ZMYND8: variants seen among roughly 807,000 people sequenced by gnomAD.
ZMYND8 encodes the protein MYND-type zinc finger-containing chromatin reader ZMYND8.
ZMYND8 carries 37 observed loss-of-function variants against 140.8 expected under a neutral mutation model. The ratio of observed to expected loss-of-function variants is 0.26; its 90% confidence interval spans 0.20 to 0.35. The LOEUF (loss-of-function observed/expected upper bound fraction) is 0.35, where lower values mean the gene tolerates loss of function less well. ZMYND8 is among the 10% of genes least tolerant of loss of function. The pLI, the probability that ZMYND8 is intolerant of heterozygous loss-of-function variation, is 1.00. For synonymous variants in ZMYND8, 592 were observed against 597.1 expected, an observed-to-expected ratio of 0.99 and a Z score of 0.12; for missense variants, 1,068 against 1,570.0, an observed-to-expected ratio of 0.68 and a Z score of 5.40.
intron 2 of ZMYND8, among the ~76,000 whole-genome samples, chr20:47,333,590 G>A (rs956665536): frequency 2.6e-5 from 4 of 151,932 alleles, no homozygotes; most frequent in African/African-American, 9.7e-5. Flanking sequence ...GCTGGGCGTG[G>A]TGGCACATGC....
intron 2 of ZMYND8, among the ~76,000 whole-genome samples, chr20:47,311,099 C>T (rs1393567179): frequency 6.6e-6 from 1 of 152,182 alleles, no homozygotes; most frequent in Non-Finnish European, 1.5e-5. Flanking sequence ...TGGAAAACAA[C>T]ATCATTTATT....
chr20:47,239,127 T>C lies in ZMYND8; in HGVS notation c.2296A>G (p.Thr766Ala). 6.7e-7 allele frequency: 1 copy of C among 1,497,384 alleles called. No homozygotes were observed. Among genetic ancestry groups the C allele is most frequent in the East Asian group, 2.3e-5 (1 of 43,806 alleles). 92.8% of individuals were successfully genotyped at this position (1,497,384 alleles called of 1,614,324 possible). A position where few individuals can be genotyped will look rare whatever the true frequency, so the allele number is the denominator to read the frequency against. ...CTGCCCACCGTCGTGGATGGTGGAG[T>C]TTTACCTACAACTAGCCAATGCATG... ...PSPKQDVVGK[T>A]PPSTTVGSHS... The change falls in exon 15 of 23, where the codon ACT becomes GCT. Residue 766 changes from threonine (T) to alanine (A), a missense_variant. Physicochemically the swap from Thr to Ala is moderately conservative, Grantham distance 58. Transcript: ENST00000471951.
chr20:47,237,653 C>T (rs1361624444), intron 15 of ZMYND8: 3 of 152,250 alleles, frequency 2.0e-5, no homozygotes, highest in Admixed American at 1.3e-4. Flanking sequence ...ACTCCCTCGC[C>T]ATCTGTGAAG....
At chr20:47,304,512 G>A (rs1161876211) in intron 3 of ZMYND8, among the ~76,000 whole-genome samples, 1 of 152,242 alleles carries the variant, frequency 6.6e-6, no homozygotes, top group African/African-American at 2.4e-5. Context: ...TGTAGTTGCA[G>A]ACACCTGGTC....
intron 2 of ZMYND8, among the ~76,000 whole-genome samples, chr20:47,317,174 C>T (rs2079471165): frequency 6.6e-6 from 1 of 152,182 alleles, no homozygotes; most frequent in Non-Finnish European, 1.5e-5. Context: ...AGAGAAGGTC[C>T]AACAAACAGT....
rs577974379 is a variant in ZMYND8, at chr20:47,327,928, C to T, written c.86-17724G>A. 5.3e-5 allele frequency among the ~76,000 whole-genome samples: 8 copies of T among 152,294 alleles called. No homozygotes were observed. The South Asian group carries it at 1.7e-3, about 32-fold the overall frequency. On this transcript the variant is annotated intron_variant, in intron 2 of 22. Coordinates refer to ENST00000471951, the MANE Select transcript of ZMYND8 (RefSeq NM_001281775.3). Reference sequence around the variant, plus strand: ...CTCCTGGGCTCAAGTGATCCTCCGGCCTCAGCCTCCCACGTAGCTGAGGCT... The same window carrying T: ...CTCCTGGGCTCAAGTGATCCTCCGGTCTCAGCCTCCCACGTAGCTGAGGCT...
intron 5 of ZMYND8, among the ~76,000 whole-genome samples, chr20:47,293,085 TAGGGAGGGAGGG>T (rs200487886): frequency 1.2e-5 from 1 of 81,772 alleles, no homozygotes; most frequent in Non-Finnish European, 2.5e-5. Context: ...GGGAGGGAGG[TAGGGAGGGAGGG>T]AGGGACGAGG....
chr20:47,311,176 G>A (rs773844571), intron 2 of ZMYND8, among the ~76,000 whole-genome samples: 16 of 152,090 alleles, frequency 1.1e-4, no homozygotes, highest in Admixed American at 9.8e-4. Flanking sequence ...GGAAGTTCCC[G>A]TGCTCCCACC....
chr20:47,267,503 G>A (rs930305636), intron 11 of ZMYND8, among the ~76,000 whole-genome samples: 2 of 141,064 alleles, frequency 1.4e-5, no homozygotes, highest in Admixed American at 7.5e-5. Flanking sequence ...GGGCGGGGGG[G>A]GGGCAATTAA....
chr20:47,336,701 T>G (rs138382692), intron 2 of ZMYND8, among the ~76,000 whole-genome samples: 1 of 152,228 alleles, frequency 6.6e-6, no homozygotes, highest in East Asian at 1.9e-4. Context: ...GACCCGGAAA[T>G]GCGTTTTGTT....
At position 47,238,525 on chromosome 20, in the gene ZMYND8, A is replaced by G. The variant is rs778746052; in HGVS notation, c.2665+233T>C. The G allele has an allele frequency of 8.7e-6, 6 of 692,502 alleles. No homozygotes were observed. The South Asian group carries it at 1.1e-4, about 12-fold the overall frequency. The allele number at this position is 692,502 out of a possible 1,614,324, so 42.9% of individuals were successfully genotyped here. ...TTTCTGCCCCCTTTTTAAGGAGAATATATGCATGTATCATTTATAAAATGA... is the reference window on the plus strand; with the variant it reads ...TTTCTGCCCCCTTTTTAAGGAGAATGTATGCATGTATCATTTATAAAATGA... On this transcript the variant is annotated intron_variant, in intron 15 of 22. Transcript: ENST00000471951.
rs3746485 is a variant in ZMYND8 at position 47,276,907 on chromosome 20, T to A, written c.999-112A>T. ...AGCATGTTTGCCAAGATTCTTATTCTATTAAAAAAAAAAAAAAAAAAACTT... is the reference window on the plus strand; with the variant it reads ...AGCATGTTTGCCAAGATTCTTATTCAATTAAAAAAAAAAAAAAAAAAACTT... On this transcript the variant is annotated intron_variant, in intron 10 of 22. Transcript: ENST00000471951. 6.6e-5 allele frequency: 48 copies of A among 732,446 alleles called. No homozygotes were observed. The highest frequency in any genetic ancestry group is 7.7e-5 in the East Asian group (2 of 26,078). The allele number at this position is 732,446 out of a possible 1,614,324, so 45.4% of individuals were successfully genotyped here. A position where few individuals can be genotyped will look rare whatever the true frequency, so the allele number is the denominator to read the frequency against.
chr20:47,245,886 T>C, intron 14 of ZMYND8, 122 bp downstream of exon 14: 1 of 1,393,362 alleles, frequency 7.2e-7, no homozygotes. Flanking sequence ...TCTCTCAGTG[T>C]GTTAGAGGGT....
chr20:47,325,775 CT>C lies in ZMYND8; in HGVS notation c.86-15572del, dbSNP rs367823434. On this transcript the variant is annotated intron_variant, in intron 2 of 22. Coordinates refer to ENST00000471951, the MANE Select transcript of ZMYND8 (RefSeq NM_001281775.3). ...CAATTTACTCATTCTCTCAATTATT[CT>C]TTTTCCATTTTGTTTTGTTTTTTTT... Among the ~76,000 whole-genome samples the C allele has an allele frequency of 2.2e-4, 33 of 151,882 alleles. No homozygotes were observed. In the South Asian group the frequency reaches 5.2e-3, roughly 24 times the overall value.
At chr20:47,257,381 T>G (rs2074818023) in intron 12 of ZMYND8, among the ~76,000 whole-genome samples, 1 of 151,526 alleles carries the variant, frequency 6.6e-6, no homozygotes, top group African/African-American at 2.4e-5. Flanking sequence ...TACCATATAC[T>G]CACATACCAT....
intron 4 of ZMYND8, 109 bp from the exon 5 acceptor site, chr20:47,294,888 C>G: frequency 1.1e-6 from 1 of 942,338 alleles, no homozygotes; most frequent in Non-Finnish European, 1.7e-6. Context: ...CAATTCTCAT[C>G]CCAATGAGAC....
chr20:47,331,869 T>C (rs559112046), intron 2 of ZMYND8, among the ~76,000 whole-genome samples: 13 of 152,176 alleles, frequency 8.5e-5, no homozygotes, highest in East Asian at 7.7e-4. Context: ...GGAAGCCACA[T>C]TGGAGCTTGC....
In ZMYND8 at chr20:47,282,223, A is replaced by G. The variant is rs1175773865; in HGVS notation, c.883-6T>C. On this transcript the variant is annotated splice_polypyrimidine_tract_variant and splice_region_variant and intron_variant, in intron 9 of 22. Coordinates refer to ENST00000471951, the MANE Select transcript of ZMYND8 (RefSeq NM_001281775.3). ...ACCAAAGGATGTGGATTGCTCTAGG[A>G]AAAGAAAAACAAGATCCAGAGTTTG... 1 of 1,609,748 alleles carries G rather than the reference A, an allele frequency of 6.2e-7. No individual in the cohort carries two copies. Among genetic ancestry groups the G allele is most frequent in the Non-Finnish European group, 8.5e-7 (1 of 1,178,484 alleles).
chr20:47,209,661 T>C lies in ZMYND8; in HGVS notation c.*1100A>G, dbSNP rs1372980262. On this transcript the variant is annotated 3_prime_UTR_variant, in exon 23 of 23. Transcript: ENST00000471951. The stretch of plus-strand genomic sequence containing the variant: ...CGTACAATTAATTTTCTCATATACA[T>C]ACATCACCTTTTGCTTTTTCATCAA... 1.3e-5 allele frequency: 2 copies of C among 152,650 alleles called. No homozygotes were observed. The highest frequency in any genetic ancestry group is 2.9e-5 in the Non-Finnish European group (2 of 68,040). 9.5% of individuals were successfully genotyped at this position (152,650 alleles called of 1,614,324 possible). A position where few individuals can be genotyped will look rare whatever the true frequency, so the allele number is the denominator to read the frequency against.
Sources: allele counts gnomAD v4.1 joint callset (sites outside exome capture counted in the v4.1 genomes callset), GRCh38; gene constraint gnomAD v4.1.1; transcripts MANE v1.5; gene names NCBI Gene and HGNC (gene_info 2026-07-23, HGNC 2026-07-21).